SHB: variants seen among roughly 807,000 people sequenced by gnomAD.
SHB encodes the protein SH2 domain containing adaptor protein B, also known as SH2 domain-containing adapter protein B.
In SHB, 20 loss-of-function variants were observed where a neutral mutation model predicts 52.3. The ratio of observed to expected loss-of-function variants is 0.38; its 90% CI spans 0.27 to 0.56. The LOEUF (loss-of-function observed/expected upper bound fraction) is 0.56. Ranked by LOEUF, SHB falls within the 20% of genes least tolerant of loss-of-function variation. SHB has a pLI of 0.71. For missense variants in SHB, 825 were observed against 723.3 expected, an observed-to-expected ratio of 1.14 and a Z score of -1.61; for synonymous variants, 397 against 316.5, an observed-to-expected ratio of 1.25 and a Z score of -2.70.
At chr9:37,954,111 A>G (rs1832601322) in intron 4 of SHB, among the ~76,000 whole-genome samples, 1 of 152,210 alleles carries the variant, frequency 6.6e-6, no homozygotes, top group Non-Finnish European at 1.5e-5. Flanking sequence ...TTGTTGATTA[A>G]AAGTGCACAG....
At chr9:38,014,997 A>T (rs1293802813) in intron 2 of SHB, among the ~76,000 whole-genome samples, 2 of 152,196 alleles carry the variant, frequency 1.3e-5, no homozygotes, top group Non-Finnish European at 2.9e-5. Context: ...GACAAACAAT[A>T]AGAGGGCCAC....
At chr9:38,031,976 G>A (rs189214959) in intron 1 of SHB, among the ~76,000 whole-genome samples, 26 of 152,234 alleles carry the variant, frequency 1.7e-4, no homozygotes, top group African/African-American at 5.8e-4. Context: ...CTACCACCCA[G>A]CTTTCTCTCT....
chr9:37,928,993 T>C (rs188608831), intron 5 of SHB, among the ~76,000 whole-genome samples: 1 of 152,208 alleles, frequency 6.6e-6, no homozygotes, highest in Non-Finnish European at 1.5e-5. Flanking sequence ...ATGGCTTTTA[T>C]AGCCCAAAGG....
At chr9:38,027,530 T>C (rs1821359312) in intron 1 of SHB, among the ~76,000 whole-genome samples, 2 of 151,800 alleles carry the variant, frequency 1.3e-5, no homozygotes, top group African/African-American at 4.8e-5. Flanking sequence ...TGCAAGTGGT[T>C]GATCTGGGAG....
At chr9:37,992,073 G>A (rs574691566) in intron 2 of SHB, among the ~76,000 whole-genome samples, 1 of 152,330 alleles carries the variant, frequency 6.6e-6, no homozygotes, top group Non-Finnish European at 1.5e-5. Flanking sequence ...CGGAGCACCT[G>A]TGTTGCTGTT....
chr9:38,031,313 C>G (rs980105657), intron 1 of SHB, among the ~76,000 whole-genome samples: 4 of 151,976 alleles, frequency 2.6e-5, no homozygotes, highest in Admixed American at 2.6e-4. Flanking sequence ...GAGCGAGAGA[C>G]TATGTCTCAA....
intron 1 of SHB, among the ~76,000 whole-genome samples, chr9:38,035,888 G>T (rs1232448371): frequency 6.6e-6 from 1 of 152,072 alleles, no homozygotes; most frequent in Non-Finnish European, 1.5e-5. Context: ...TGGGGCCTGG[G>T]ATTAGTATTT....
chr9:38,033,338 G>C (rs1011349821), intron 1 of SHB, among the ~76,000 whole-genome samples: 1 of 152,148 alleles, frequency 6.6e-6, no homozygotes, highest in African/African-American at 2.4e-5. Flanking sequence ...CCAGTGACTG[G>C]GGCCAGCCAA....
intron 1 of SHB, among the ~76,000 whole-genome samples, chr9:38,036,269 C>T (rs1821486025): frequency 1.3e-5 from 2 of 152,174 alleles, no homozygotes; most frequent in South Asian, 2.1e-4. Flanking sequence ...CAAACCTCAA[C>T]GAGGTAGAAC....
chr9:37,995,834 G>T (rs1311423987), intron 2 of SHB, among the ~76,000 whole-genome samples: 1 of 152,116 alleles, frequency 6.6e-6, no homozygotes, highest in Non-Finnish European at 1.5e-5. Flanking sequence ...ACACTTGACG[G>T]CACTCCCTTA....
At chr9:37,929,458 T>A (rs942881263) in intron 5 of SHB, among the ~76,000 whole-genome samples, 1 of 152,200 alleles carries the variant, frequency 6.6e-6, no homozygotes. Context: ...TGGGTCTTGT[T>A]CTCATCTGCT....
chr9:38,068,047 A>AGGGGGTCCCC lies in SHB; in HGVS notation c.589_598dup (p.Leu200ArgfsTer49). On this transcript the variant is annotated frameshift_variant, in exon 1 of 6. Coordinates refer to ENST00000377707, the MANE Select transcript of SHB (RefSeq NM_003028.3). LOFTEE classifies it high-confidence loss of function. ...GCGGCCGCCCGCGCAGGCGCCCCCC[A>AGGGGGTCCCC]GGGGGTCCCCGGCCCCACCGCCCGC... is the stretch of plus-strand genomic sequence containing the variant. 6.7e-7 allele frequency: 1 copy of AGGGGGTCCCC among 1,502,712 alleles called. No homozygotes were observed. The highest frequency in any genetic ancestry group is 2.1e-4 in the Middle Eastern group (1 of 4,792). The allele number at this position is 1,502,712 out of a possible 1,614,324, so 93.1% of individuals were successfully genotyped here. A position where few individuals can be genotyped will look rare whatever the true frequency, so the allele number is the denominator to read the frequency against.
intron 3 of SHB, among the ~76,000 whole-genome samples, chr9:37,969,176 G>C (rs990062654): frequency 6.6e-6 from 1 of 152,328 alleles, no homozygotes; most frequent in East Asian, 1.9e-4. Context: ...GGGGGGATGA[G>C]AGCTCCAATC....
intron 5 of SHB, among the ~76,000 whole-genome samples, chr9:37,940,332 C>G (rs570078607): frequency 2.0e-5 from 3 of 152,220 alleles, no homozygotes; most frequent in African/African-American, 7.2e-5. Flanking sequence ...AGTGTCCCCT[C>G]AATGGTGCAC....
intron 1 of SHB, among the ~76,000 whole-genome samples, chr9:38,025,400 G>A (rs1030032625): frequency 2.6e-5 from 4 of 152,152 alleles, no homozygotes; most frequent in African/African-American, 7.2e-5. Context: ...GCTCCCCTAG[G>A]GGCCTGAGGC....
intron 5 of SHB, among the ~76,000 whole-genome samples, chr9:37,939,543 G>A (rs868319323): frequency 1.8e-4 from 27 of 152,196 alleles, no homozygotes; most frequent in Admixed American, 7.9e-4. Flanking sequence ...AGGTCTCTGG[G>A]CTTTCTCCAT....
At chr9:38,042,965 A>G (rs1821601467) in intron 1 of SHB, among the ~76,000 whole-genome samples, 1 of 151,230 alleles carries the variant, frequency 6.6e-6, no homozygotes, top group Non-Finnish European at 1.5e-5. Context: ...ACCGCCCACA[A>G]CCCCACCTGT....
At chr9:37,950,818 G>A (rs1033391177) in intron 4 of SHB, among the ~76,000 whole-genome samples, 3 of 152,230 alleles carry the variant, frequency 2.0e-5, no homozygotes, top group African/African-American at 7.2e-5. Flanking sequence ...CAGCTGCAGC[G>A]TTAGCAGAAA....
At chr9:37,994,290 T>G (rs1207918058) in intron 2 of SHB, among the ~76,000 whole-genome samples, 1 of 152,168 alleles carries the variant, frequency 6.6e-6, no homozygotes. Context: ...AATAAGTCAG[T>G]AGATATGAAA....
Sources: allele counts gnomAD v4.1 joint callset (sites outside exome capture counted in the v4.1 genomes callset), GRCh38; gene constraint gnomAD v4.1.1; transcripts MANE v1.5; gene names NCBI Gene and HGNC (gene_info 2026-07-23, HGNC 2026-07-21).